PRKD1: variants seen among roughly 807,000 people sequenced by gnomAD.
PRKD1 encodes serine/threonine-protein kinase D1.
Under a neutral mutation model 95.9 loss-of-function variants are expected in PRKD1, and 63 were observed. The ratio of observed to expected loss-of-function variants is 0.66; its 90% CI spans 0.54 to 0.81. PRKD1 has a LOEUF of 0.81. PRKD1 is among the 30% of genes least tolerant of loss of function. PRKD1 has a pLI of 0.00. For missense variants in PRKD1, 1,048 were observed against 1,165.3 expected (o/e 0.90, Z 1.47); for synonymous variants, 425 against 423.1 (o/e 1.00, Z -0.05).
intron 8 of PRKD1, among the ~76,000 whole-genome samples, chr14:29,633,976 C>A (rs374998772): frequency 1.3e-5 from 2 of 152,290 alleles, no homozygotes; most frequent in South Asian, 2.1e-4. Context: ...TCTCAGGGTA[C>A]AGGATTCCAA....
chr14:29,605,481 C>T (rs971681), intron 13 of PRKD1, among the ~76,000 whole-genome samples: 65,385 of 151,988 alleles, frequency 0.43, 14,592 homozygotes, highest in African/African-American at 0.54. Context: ...AGCCTGACCA[C>T]GAACGTTTAT....
intron 11 of PRKD1, 63 bp downstream of exon 11, chr14:29,628,978 T>C: frequency 8.4e-7 from 1 of 1,196,930 alleles, no homozygotes; most frequent in Non-Finnish European, 1.1e-6. Context: ...AAAACTATTT[T>C]ATGATGCTTT....
intron 2 of PRKD1, among the ~76,000 whole-genome samples, chr14:29,699,917 A>G (rs141671802): frequency 1.7e-4 from 26 of 152,260 alleles, no homozygotes; most frequent in African/African-American, 6.0e-4. Flanking sequence ...TGATATCTGG[A>G]AGAGTAAGTG....
intron 4 of PRKD1, among the ~76,000 whole-genome samples, chr14:29,647,711 C>T (rs996798121): frequency 6.6e-6 from 1 of 152,168 alleles, no homozygotes; most frequent in Non-Finnish European, 1.5e-5. Context: ...AGGTGAGAGC[C>T]TCTCCCTTCA....
intron 4 of PRKD1, among the ~76,000 whole-genome samples, chr14:29,649,531 TG>T (rs1881357187): frequency 6.6e-6 from 1 of 152,130 alleles, no homozygotes; most frequent in African/African-American, 2.4e-5. Context: ...TGCGAGAGTT[TG>T]TAATAAGCTG....
Position 29,791,086 on chromosome 14 carries a change from A to G in PRKD1, c.265-65412T>C, listed in dbSNP as rs568108910. Among the ~76,000 whole-genome samples the G allele has an allele frequency of 5.3e-5, 8 of 152,318 alleles. No individual in the cohort carries two copies. The South Asian group carries it at 1.7e-3, about 32-fold the overall frequency. On this transcript the variant is annotated intron_variant, in intron 1 of 17. Transcript: ENST00000331968. ...AGGGGAAACTTCAACAAATACATAC[A>G]CAAAATAAATATGAACCAGTGTATA... is the stretch of plus-strand genomic sequence containing the variant.
intron 1 of PRKD1, among the ~76,000 whole-genome samples, chr14:29,860,972 T>TA (rs1194689865): frequency 1.3e-5 from 2 of 152,318 alleles, no homozygotes; most frequent in Non-Finnish European, 2.9e-5. Context: ...ATTCCACACT[T>TA]ACTAAAAGAA....
At chr14:29,642,547 G>A (rs556316225) in intron 4 of PRKD1, among the ~76,000 whole-genome samples, 2 of 152,188 alleles carry the variant, frequency 1.3e-5, no homozygotes, top group Admixed American at 1.3e-4. Flanking sequence ...GAAATAATTG[G>A]AACTGTTTGC....
chr14:29,773,141 C>T lies in PRKD1; in HGVS notation c.265-47467G>A, dbSNP rs1001275690. On this transcript the variant is annotated intron_variant, in intron 1 of 17. Transcript: ENST00000331968. Reference sequence around the variant, plus strand: ...CTTCTCCAACTATCATTTTAGACAACGCTTTTATACATAACTAGTTTTTAA... The same window carrying T: ...CTTCTCCAACTATCATTTTAGACAATGCTTTTATACATAACTAGTTTTTAA... 5.9e-5 allele frequency among the ~76,000 whole-genome samples: 9 copies of T among 152,090 alleles called. No homozygotes were observed. In the South Asian group the frequency reaches 6.2e-4, roughly 11 times the overall value.
intron 1 of PRKD1, among the ~76,000 whole-genome samples, chr14:29,823,664 C>CT (rs1449147863): frequency 6.6e-6 from 1 of 152,110 alleles, no homozygotes; most frequent in African/African-American, 2.4e-5. Flanking sequence ...GTTAAGCCCA[C>CT]TTTTGAAAAG....
intron 2 of PRKD1, among the ~76,000 whole-genome samples, chr14:29,674,888 A>G (rs1179666815): frequency 6.6e-6 from 1 of 152,226 alleles, no homozygotes; most frequent in East Asian, 1.9e-4. Context: ...ACGAGGTTCT[A>G]TGTGCTTTAC....
At chr14:29,736,016 T>C (rs1170326061) in intron 1 of PRKD1, among the ~76,000 whole-genome samples, 1 of 152,150 alleles carries the variant, frequency 6.6e-6, no homozygotes, top group Admixed American at 6.5e-5. Flanking sequence ...ATAAAGGTAA[T>C]CTGCAATATC....
intron 4 of PRKD1, among the ~76,000 whole-genome samples, chr14:29,639,264 A>G (rs887633971): frequency 6.6e-6 from 1 of 152,242 alleles, no homozygotes; most frequent in Admixed American, 6.5e-5. Context: ...ACAGGATTAC[A>G]TTCACATGGT....
intron 1 of PRKD1, among the ~76,000 whole-genome samples, chr14:29,925,336 C>A (rs1255217856): frequency 6.6e-6 from 1 of 152,190 alleles, no homozygotes; most frequent in Non-Finnish European, 1.5e-5. Flanking sequence ...TACAGCAAAT[C>A]CATCTTTCAG....
intron 13 of PRKD1, among the ~76,000 whole-genome samples, chr14:29,607,961 A>G (rs1878135775): frequency 6.6e-6 from 1 of 152,230 alleles, no homozygotes; most frequent in Non-Finnish European, 1.5e-5. Flanking sequence ...CTAGGGCAGG[A>G]ATATGAAGTC....
chr14:29,694,252 C>G (rs940077184), intron 2 of PRKD1, among the ~76,000 whole-genome samples: 12 of 152,148 alleles, frequency 7.9e-5, no homozygotes, highest in African/African-American at 2.9e-4. Flanking sequence ...TAACAAATAA[C>G]CACTTTAATT....
chr14:29,788,844 T>C (rs1889394677), intron 1 of PRKD1, among the ~76,000 whole-genome samples: 1 of 152,094 alleles, frequency 6.6e-6, no homozygotes, highest in Non-Finnish European at 1.5e-5. Flanking sequence ...TTTTTATCAG[T>C]GTATTCCTAT....
intron 4 of PRKD1, among the ~76,000 whole-genome samples, chr14:29,658,334 T>C (rs879648071): frequency 6.6e-6 from 1 of 152,202 alleles, no homozygotes; most frequent in African/African-American, 2.4e-5. Flanking sequence ...ATGCGTTTTA[T>C]GAGAAAAGGG....
At chr14:29,598,043 A>T (rs1893374166) in intron 15 of PRKD1, among the ~76,000 whole-genome samples, 1 of 152,032 alleles carries the variant, frequency 6.6e-6, no homozygotes. Context: ...TGGGAGGCTG[A>T]GGCAGGAGGA....
Sources: allele counts gnomAD v4.1 joint callset (sites outside exome capture counted in the v4.1 genomes callset), GRCh38; gene constraint gnomAD v4.1.1; transcripts MANE v1.5; gene names NCBI Gene and HGNC (gene_info 2026-07-23, HGNC 2026-07-21).